PCDHGA8: variants seen among roughly 807,000 people sequenced by gnomAD.
PCDHGA8 encodes protocadherin gamma subfamily A, 8.
A neutral mutation model predicts 59.2 loss-of-function variants in PCDHGA8; 45 were observed. That is an observed-to-expected ratio of 0.76 (90% CI 0.60 to 0.98). PCDHGA8 has a LOEUF of 0.98. PCDHGA8 is among the 50% of genes least tolerant of loss of function. The probability of loss-of-function intolerance (pLI) is 0.00; values close to 1 mark genes in which losing one functional copy is unlikely to be tolerated. For missense variants in PCDHGA8, 1,257 were observed against 1,196.2 expected (o/e 1.05, Z -0.75); for synonymous variants, 531 against 519.0 (o/e 1.02, Z -0.32).
chr5:141,499,138 G>A (rs765607930), intron 2 of PCDHGA8, among the ~76,000 whole-genome samples: 12 of 152,144 alleles, frequency 7.9e-5, no homozygotes, highest in Non-Finnish European at 1.5e-4. Flanking sequence ...TCCTTTGGGT[G>A]TCTGATCCCA....
chr5:141,435,614 C>A, intron 1 of PCDHGA8, among the ~76,000 whole-genome samples: 1 of 152,056 alleles, frequency 6.6e-6, no homozygotes, highest in East Asian at 1.9e-4. Flanking sequence ...ACATTAAATT[C>A]CCCATAACTT....
At chr5:141,405,775 G>A (rs2094716657) in intron 1 of PCDHGA8, among the ~76,000 whole-genome samples, 1 of 152,002 alleles carries the variant, frequency 6.6e-6, no homozygotes, top group African/African-American at 2.4e-5. Flanking sequence ...ACTGCGCCTG[G>A]CCCTTAACTT....
rs771088007 is a variant in PCDHGA8, at chr5:141,423,000, G to A, written c.2424+27763G>A. On this transcript the variant is annotated intron_variant, in intron 1 of 3. Transcript: ENST00000398604. ...CGGAACCTGGCTACCTGGTGACCAA[G>A]GTGGTTGCGGTGGACAAAGATTCAG... The A allele has an allele frequency of 9.3e-6, 15 of 1,614,116 alleles. No homozygotes were observed. The African/African-American group carries it at 1.9e-4, about 20-fold the overall frequency.
In PCDHGA8 at chr5:141,476,348, G is replaced by T. The variant is rs764669470; in HGVS notation, c.2425-18459G>T. On this transcript the variant is annotated intron_variant, in intron 1 of 3. Transcript: ENST00000398604. This position sits in a 1 kb window ranked among gnomAD's most constrained non-coding sequence, Gnocchi z 7.6. ...GTCTGGAGCTAGCCGAAGATTCTTTGAGGTGAACCGGGAGACCGGAGAGAT... is the reference window on the plus strand; with the variant it reads ...GTCTGGAGCTAGCCGAAGATTCTTTTAGGTGAACCGGGAGACCGGAGAGAT... 1 of 1,614,190 alleles carries T rather than the reference G, an allele frequency of 6.2e-7. No individual in the cohort carries two copies. The highest frequency in any genetic ancestry group is 8.5e-7 in the Non-Finnish European group (1 of 1,180,032).
chr5:141,473,975 G>T (rs188916402), intron 1 of PCDHGA8, among the ~76,000 whole-genome samples: 1 of 152,104 alleles, frequency 6.6e-6, no homozygotes, highest in Non-Finnish European at 1.5e-5. Flanking sequence ...AGTCTGAGGC[G>T]GGAGGATCCC....
chr5:141,451,914 A>G (rs1387569597), intron 1 of PCDHGA8, among the ~76,000 whole-genome samples: 3 of 152,022 alleles, frequency 2.0e-5, no homozygotes, highest in East Asian at 1.9e-4. Context: ...GGGAGGGAGG[A>G]AGGAAGGGAG....
At chr5:141,422,645 TCTCAGTGAC>T in intron 1 of PCDHGA8, 2 of 1,612,232 alleles carry the variant, frequency 1.2e-6, no homozygotes, top group Non-Finnish European at 1.7e-6. Flanking sequence ...GCCTCCATCT[TCTCAGTGAC>T]CGCCCTCGAC....
rs1049654933 is a variant in PCDHGA8 at position 141,497,808 on chromosome 5, A to G, written c.2483+2943A>G. 2.6e-5 allele frequency among the ~76,000 whole-genome samples: 4 copies of G among 152,282 alleles called. No homozygotes were observed. The East Asian group carries it at 7.7e-4, about 29-fold the overall frequency. Reference sequence around the variant, plus strand: ...ACCTGCTTCAGCTTCCCAAAGTGCTAGAATTACAGGTGTGATCGCCCCCGG... The same window carrying G: ...ACCTGCTTCAGCTTCCCAAAGTGCTGGAATTACAGGTGTGATCGCCCCCGG... On this transcript the variant is annotated intron_variant, in intron 2 of 3. Coordinates refer to ENST00000398604, the MANE Select transcript of PCDHGA8 (RefSeq NM_032088.2).
chr5:141,507,368 T>C (rs1446319165), intron 3 of PCDHGA8: 2 of 152,094 alleles, frequency 1.3e-5, no homozygotes, highest in Non-Finnish European at 2.9e-5. Context: ...GGGAGCCCTG[T>C]ACTTTTATTT....
chr5:141,423,755 G>GGGA, intron 1 of PCDHGA8: 3 of 512,508 alleles, frequency 5.9e-6, no homozygotes, highest in Non-Finnish European at 7.8e-6. Flanking sequence ...CTGTTTGGGG[G>GGGA]GGGGGTGGGG....
rs1196083589 is a variant in PCDHGA8, at chr5:141,486,525, A to G, written c.2425-8282A>G. On this transcript the variant is annotated intron_variant, in intron 1 of 3. Coordinates refer to ENST00000398604, the MANE Select transcript of PCDHGA8 (RefSeq NM_032088.2). This position sits in a 1 kb window ranked among gnomAD's most constrained non-coding sequence, Gnocchi z 5.0. ...CTCAATATTTCAGATGTGAATGATA[A>G]TCCACCCTCTTTCTTTCAGAGGTCA... 1 of 1,614,158 alleles carries G rather than the reference A, an allele frequency of 6.2e-7. No individual in the cohort carries two copies. Among genetic ancestry groups the G allele is most frequent in the African/African-American group, 1.3e-5 (1 of 75,054 alleles).
In PCDHGA8 at chr5:141,502,866, C is replaced by CTTTTTTTTTT. The variant is rs549047197; in HGVS notation, c.2484-2522_2484-2513dup. On this transcript the variant is annotated intron_variant, in intron 2 of 3. Transcript: ENST00000398604. ...GAGCTGCCTAACCCTGACTCTCTGT[C>CTTTTTTTTTT]TTTTTTTTTTTTTTGACAGGGAGTC... 1.9e-3 allele frequency among the ~76,000 whole-genome samples: 240 copies of CTTTTTTTTTT among 127,966 alleles called. 11 individuals are homozygous for CTTTTTTTTTT. The highest frequency in any genetic ancestry group is 3.5e-3 in the Admixed American group (41 of 11,656). The allele number at this position is 127,966 out of a possible 152,430, so 84.0% of individuals were successfully genotyped here.
rs566838507 is a variant in PCDHGA8, at chr5:141,415,047, G to T, written c.2424+19810G>T. ...GCGAGCCGGGACTCTTCGCGGTGGG[G>T]GAGCACACGGGCGAGGTGCGCACGG... On this transcript the variant is annotated intron_variant, in intron 1 of 3. Transcript: ENST00000398604. The T allele has an allele frequency of 4.2e-5, 67 of 1,613,220 alleles. 1 individual carries two copies. The Admixed American group carries it at 6.0e-4, about 14-fold the overall frequency.
At chr5:141,421,322 T>A (rs774885270) in intron 1 of PCDHGA8, 1 of 1,613,864 alleles carries the variant, frequency 6.2e-7, no homozygotes, top group Non-Finnish European at 8.5e-7. Context: ...GCCAGGCAGA[T>A]CCGATATTCG....
chr5:141,403,544 C>A (rs1300060255), intron 1 of PCDHGA8: 2 of 1,613,970 alleles, frequency 1.2e-6, no homozygotes, highest in South Asian at 1.1e-5. Flanking sequence ...GGTGCTGGAG[C>A]GCGCCCTGGA....
In PCDHGA8 at chr5:141,489,621, T is replaced by C. The variant is rs765666746; in HGVS notation, c.2425-5186T>C. 29 of 1,613,978 alleles carry C rather than the reference T, an allele frequency of 1.8e-5. No individual in the cohort carries two copies. The highest frequency in any genetic ancestry group is 1.6e-4 in the Middle Eastern group (1 of 6,084). On this transcript the variant is annotated intron_variant, in intron 1 of 3. Transcript: ENST00000398604. The surrounding 1 kb of genome is among the most constrained non-coding windows in gnomAD (Gnocchi z 4.5). ...TAGAGGTAGAGATCCTGGATCTCAATGACAACTCTCCTAGCTTTGCCACCC... is the reference window on the plus strand; with the variant it reads ...TAGAGGTAGAGATCCTGGATCTCAACGACAACTCTCCTAGCTTTGCCACCC...
chr5:141,500,870 A>C (rs2099803097), intron 2 of PCDHGA8, among the ~76,000 whole-genome samples: 1 of 139,794 alleles, frequency 7.2e-6, no homozygotes, highest in African/African-American at 2.8e-5. Context: ...ATACACATTC[A>C]TTTACAATTT....
chr5:141,420,613 A>G (rs536307424), intron 1 of PCDHGA8, among the ~76,000 whole-genome samples: 53 of 152,194 alleles, frequency 3.5e-4, no homozygotes, highest in Non-Finnish European at 1.9e-4. Flanking sequence ...CAAGTATTTC[A>G]TCTTCATTTA....
Position 141,491,913 on chromosome 5 carries a change from T to C in PCDHGA8, c.2425-2894T>C, listed in dbSNP as rs2099735120. 2.1e-6 allele frequency: 3 copies of C among 1,398,206 alleles called. No homozygotes were observed. Among genetic ancestry groups the C allele is most frequent in the Non-Finnish European group, 2.9e-6 (3 of 1,051,918 alleles). The allele number at this position is 1,398,206 out of a possible 1,614,324, so 86.6% of individuals were successfully genotyped here. On this transcript the variant is annotated intron_variant, in intron 1 of 3. Coordinates refer to ENST00000398604, the MANE Select transcript of PCDHGA8 (RefSeq NM_032088.2). The surrounding 1 kb of genome is among the most constrained non-coding windows in gnomAD (Gnocchi z 6.9). ...TCCGAGCACCGGGGGTGGTGGCGAC[T>C]GTGGGCGAGGGGAGGTGGGACCGAC... is the stretch of plus-strand genomic sequence containing the variant.
Sources: gnomAD v4.1 joint callset for allele counts (sites outside exome capture counted in the v4.1 genomes callset) on GRCh38, gnomAD v4.1.1 for gene constraint, Gnocchi (gnomAD v3.1) non-coding constraint, MANE v1.5 for transcripts, NCBI Gene and HGNC (gene_info 2026-07-23, HGNC 2026-07-21) for gene names.